Variants in FBXL17 observed in about 807,000 individuals in gnomAD.
FBXL17 encodes the protein F-box/LRR-repeat protein 17.
In FBXL17, 22 loss-of-function variants were observed where a neutral mutation model predicts 66.2. The observed-to-expected ratio is 0.33, with a 90% CI of 0.24 to 0.47. FBXL17 has a LOEUF of 0.47. Ranked by LOEUF, FBXL17 falls within the 20% of genes least tolerant of loss-of-function variation. The probability of loss-of-function intolerance (pLI) is 1.00; values close to 1 mark genes in which losing one functional copy is unlikely to be tolerated. For missense variants in FBXL17, 878 were observed against 948.2 expected (o/e 0.93, Z 0.97); for synonymous variants, 474 against 400.5 (o/e 1.18, Z -2.19).
chr5:108,200,099 A>C (rs1459603199), intron 5 of FBXL17, among the ~76,000 whole-genome samples: 32 of 152,152 alleles, frequency 2.1e-4, no homozygotes, highest in Admixed American at 2.1e-3. Context: ...AGCCAACACA[A>C]GTTGGAGCTG....
intron 5 of FBXL17, among the ~76,000 whole-genome samples, chr5:108,190,202 T>G (rs1197070541): frequency 6.6e-6 from 1 of 152,214 alleles, no homozygotes; most frequent in Non-Finnish European, 1.5e-5. Context: ...TTGCCCACTT[T>G]AAATGCTGAA....
At chr5:108,204,616 T>TA (rs1404634627) in intron 5 of FBXL17, among the ~76,000 whole-genome samples, 2 of 152,194 alleles carry the variant, frequency 1.3e-5, no homozygotes, top group Non-Finnish European at 2.9e-5. Context: ...GAACTACATG[T>TA]AAAAATAACT....
At chr5:107,951,496 G>A (rs1751496414) in intron 7 of FBXL17, among the ~76,000 whole-genome samples, 1 of 152,212 alleles carries the variant, frequency 6.6e-6, no homozygotes, top group Non-Finnish European at 1.5e-5. Context: ...GGCCTAGTGG[G>A]CCTGGTGCTG....
chr5:107,935,035 AAT>A (rs1192597973), intron 7 of FBXL17, among the ~76,000 whole-genome samples: 1 of 152,094 alleles, frequency 6.6e-6, no homozygotes, highest in African/African-American at 2.4e-5. Flanking sequence ...TACAGAAAAG[AAT>A]GGTCTGTAGA....
intron 4 of FBXL17, among the ~76,000 whole-genome samples, chr5:108,291,154 A>G (rs922849199): frequency 2.6e-5 from 4 of 152,218 alleles, no homozygotes; most frequent in African/African-American, 4.8e-5. Context: ...CAACTGTGAA[A>G]TAAATGATAT....
rs115615115 is a variant in FBXL17, at chr5:108,081,045, T to C, written c.1746-60044A>G. On this transcript the variant is annotated intron_variant, in intron 6 of 8. Coordinates refer to ENST00000542267, the MANE Select transcript of FBXL17 (RefSeq NM_001163315.3). ...CATTTCAAAATACGTCAAAGAAATATATTTTGGGGTAAAATTCTGACCAAG... is the reference window on the plus strand; with the variant it reads ...CATTTCAAAATACGTCAAAGAAATACATTTTGGGGTAAAATTCTGACCAAG... 5.0e-3 allele frequency among the ~76,000 whole-genome samples: 766 copies of C among 152,250 alleles called. 10 individuals carry two copies. Among genetic ancestry groups the C allele is most frequent in the African/African-American group, 0.018 (742 of 41,562 alleles).
intron 6 of FBXL17, among the ~76,000 whole-genome samples, chr5:108,084,422 G>A (rs1053353334): frequency 1.3e-5 from 2 of 152,194 alleles, no homozygotes; most frequent in South Asian, 2.1e-4. Context: ...GGGGCTAGGA[G>A]CAGTAGCAAA....
At chr5:108,175,537 G>C (rs1467657513) in intron 6 of FBXL17, among the ~76,000 whole-genome samples, 2 of 152,156 alleles carry the variant, frequency 1.3e-5, no homozygotes, top group African/African-American at 4.8e-5. Flanking sequence ...AGGAGTAATT[G>C]TATACTGTCT....
At chr5:108,213,011 G>C (rs1342987958) in intron 5 of FBXL17, among the ~76,000 whole-genome samples, 1 of 152,092 alleles carries the variant, frequency 6.6e-6, no homozygotes, top group Non-Finnish European at 1.5e-5. Flanking sequence ...GAGATGCCCT[G>C]CCCAGAGAAG....
intron 7 of FBXL17, among the ~76,000 whole-genome samples, chr5:107,984,289 T>C (rs1014445573): frequency 6.6e-6 from 1 of 152,274 alleles, no homozygotes; most frequent in Non-Finnish European, 1.5e-5. Context: ...TCCCTAAACT[T>C]TCAAGCTATT....
intron 4 of FBXL17, among the ~76,000 whole-genome samples, chr5:108,234,919 T>A (rs553698684): frequency 1.3e-5 from 2 of 152,306 alleles, no homozygotes; most frequent in South Asian, 4.1e-4. Context: ...TCTATAAATT[T>A]CAAGATTCTA....
chr5:108,172,075 T>C (rs1362699475), intron 6 of FBXL17, among the ~76,000 whole-genome samples: 1 of 152,152 alleles, frequency 6.6e-6, no homozygotes, highest in Non-Finnish European at 1.5e-5. Context: ...TTACCCAGTC[T>C]CGGGTATGTC....
intron 5 of FBXL17, among the ~76,000 whole-genome samples, chr5:108,220,072 T>C (rs1315787762): frequency 6.6e-6 from 1 of 152,110 alleles, no homozygotes; most frequent in African/African-American, 2.4e-5. Flanking sequence ...ATCTAAGTAG[T>C]ACTTTAGTAG....
At chr5:108,262,945 T>C (rs1256769930) in intron 4 of FBXL17, among the ~76,000 whole-genome samples, 2 of 152,068 alleles carry the variant, frequency 1.3e-5, no homozygotes, top group Non-Finnish European at 2.9e-5. Flanking sequence ...TGGTAAAGGT[T>C]ATACAAGGAT....
intron 5 of FBXL17, among the ~76,000 whole-genome samples, chr5:108,198,461 C>T (rs73778680): frequency 0.068 from 10,367 of 152,176 alleles, 1,186 homozygotes; most frequent in African/African-American, 0.24. Flanking sequence ...ATTTCTTCCA[C>T]AATCTTCAGC....
intron 6 of FBXL17, among the ~76,000 whole-genome samples, chr5:108,150,767 A>G (rs780877225): frequency 3.3e-5 from 5 of 152,218 alleles, no homozygotes; most frequent in Non-Finnish European, 7.4e-5. Flanking sequence ...AGGATCACAT[A>G]TGAAGGCACA....
intron 5 of FBXL17, among the ~76,000 whole-genome samples, chr5:108,219,341 T>C (rs559404588): frequency 1.3e-5 from 2 of 152,194 alleles, no homozygotes; most frequent in South Asian, 4.1e-4. Flanking sequence ...GTAGTCAGTG[T>C]TTTTCAAATA....
intron 6 of FBXL17, among the ~76,000 whole-genome samples, chr5:108,035,428 G>A (rs1205282369): frequency 2.6e-5 from 4 of 152,028 alleles, no homozygotes; most frequent in East Asian, 3.9e-4. Flanking sequence ...GTGCAATGGC[G>A]TGATCCTGGC....
chr5:108,318,386 A>T (rs770350744), intron 4 of FBXL17, among the ~76,000 whole-genome samples: 33 of 151,804 alleles, frequency 2.2e-4, no homozygotes, highest in Non-Finnish European at 3.1e-4. Flanking sequence ...ATGTTACTAT[A>T]TTTATAATTA....
Sources: gnomAD v4.1 joint callset for allele counts (sites outside exome capture counted in the v4.1 genomes callset) on GRCh38, gnomAD v4.1.1 for gene constraint, MANE v1.5 for transcripts, NCBI Gene and HGNC (gene_info 2026-07-23, HGNC 2026-07-21) for gene names.